GRM8: variants seen among roughly 807,000 people sequenced by gnomAD.
The protein encoded by GRM8 is glutamate metabotropic receptor 8.
Under a neutral mutation model 87.2 loss-of-function variants are expected in GRM8, and 47 were observed. The ratio of observed to expected loss-of-function variants is 0.54; its 90% CI spans 0.43 to 0.69. The LOEUF (loss-of-function observed/expected upper bound fraction) is 0.69. GRM8 is among the 30% of genes least tolerant of loss of function. The pLI is 0.00. For synonymous variants in GRM8, 396 were observed against 404.5 expected (o/e 0.98, Z 0.25); for missense variants, 1,019 against 1,139.2 (o/e 0.89, Z 1.52).
chr7:126,981,331 C>T (rs1331090287), intron 3 of GRM8: 1 of 152,096 alleles, frequency 6.6e-6, no homozygotes, highest in Non-Finnish European at 1.5e-5. Context: ...GCTTTGCACT[C>T]TATATATGTC....
intron 3 of GRM8, among the ~76,000 whole-genome samples, chr7:127,023,213 T>C (rs1816448222): frequency 1.3e-5 from 2 of 152,136 alleles, no homozygotes; most frequent in Non-Finnish European, 2.9e-5. Context: ...ATTTAAACAA[T>C]TATAAAACGT....
intron 7 of GRM8, among the ~76,000 whole-genome samples, chr7:126,615,924 T>G (rs1030658231): frequency 2.6e-5 from 4 of 151,960 alleles, no homozygotes; most frequent in Non-Finnish European, 5.9e-5. Context: ...ACAATAATAA[T>G]GGGAGACTTT....
At chr7:126,768,844 A>G (rs1358318666) in intron 7 of GRM8, among the ~76,000 whole-genome samples, 2 of 151,736 alleles carry the variant, frequency 1.3e-5, no homozygotes, top group African/African-American at 4.9e-5. Context: ...ATGTTATGTA[A>G]TGTTTCACAA....
At chr7:126,573,131 T>C (rs935792360) in intron 8 of GRM8, among the ~76,000 whole-genome samples, 4 of 152,188 alleles carry the variant, frequency 2.6e-5, no homozygotes, top group Non-Finnish European at 5.9e-5. Context: ...GTCAGATATT[T>C]TGAAGTGGGA....
At chr7:126,469,338 T>C (rs1038156115) in intron 9 of GRM8, among the ~76,000 whole-genome samples, 11 of 152,170 alleles carry the variant, frequency 7.2e-5, no homozygotes, top group Non-Finnish European at 1.6e-4. Flanking sequence ...CTGAACCTAC[T>C]CCAATTAGGC....
At chr7:127,226,000 A>G (rs1256943205) in intron 2 of GRM8, among the ~76,000 whole-genome samples, 1 of 152,220 alleles carries the variant, frequency 6.6e-6, no homozygotes, top group East Asian at 1.9e-4. Context: ...ATTATTCCAA[A>G]TATAAGGGTA....
intron 2 of GRM8, among the ~76,000 whole-genome samples, chr7:127,182,321 C>A (rs182294688): frequency 1.3e-5 from 2 of 151,992 alleles, no homozygotes; most frequent in African/African-American, 4.8e-5. Flanking sequence ...GCAGGAATGG[C>A]CATAATCAAA....
intron 2 of GRM8, among the ~76,000 whole-genome samples, chr7:127,150,641 C>T (rs1828808063): frequency 6.6e-6 from 1 of 152,106 alleles, no homozygotes; most frequent in Admixed American, 6.6e-5. Flanking sequence ...AACAGAAAGA[C>T]TGTAAAAGTC....
At chr7:126,878,969 C>G (rs1586296986) in intron 6 of GRM8, among the ~76,000 whole-genome samples, 2 of 152,094 alleles carry the variant, frequency 1.3e-5, no homozygotes, top group Non-Finnish European at 1.5e-5. Flanking sequence ...TCGAGACCAG[C>G]CTGCCCAATA....
At chr7:126,813,610 C>T (rs866440504) in intron 6 of GRM8, among the ~76,000 whole-genome samples, 1 of 152,018 alleles carries the variant, frequency 6.6e-6, no homozygotes, top group Non-Finnish European at 1.5e-5. Flanking sequence ...GATCATGTGT[C>T]ACCTGTCAAC....
rs73447010 is a variant in GRM8 at position 126,494,556 on chromosome 7, T to G, written c.2430+38396A>C. ...CCAGAGAAGAAGCATAGTAACTGAT[T>G]GCAAGCACTTAGAAAATGCTTGAGG... On this transcript the variant is annotated intron_variant, in intron 9 of 10. Coordinates refer to ENST00000339582, the MANE Select transcript of GRM8 (RefSeq NM_000845.3). Among the ~76,000 whole-genome samples, 538 of 152,134 alleles carry G rather than the reference T, an allele frequency of 3.5e-3. 2 individuals carry two copies. The highest frequency in any genetic ancestry group is 0.012 in the African/African-American group (494 of 41,558).
At chr7:126,745,880 C>G (rs1815610925) in intron 7 of GRM8, among the ~76,000 whole-genome samples, 1 of 151,720 alleles carries the variant, frequency 6.6e-6, no homozygotes, top group Non-Finnish European at 1.5e-5. Context: ...ACCTGTATTC[C>G]ATTTATGGCA....
chr7:126,749,099 C>A (rs1336715343), intron 7 of GRM8, among the ~76,000 whole-genome samples: 8 of 151,962 alleles, frequency 5.3e-5, no homozygotes, highest in Non-Finnish European at 1.2e-4. Context: ...CATGATGAAA[C>A]CTCGTCTCTA....
intron 2 of GRM8, among the ~76,000 whole-genome samples, chr7:127,206,017 C>G (rs939084329): frequency 6.6e-6 from 1 of 152,220 alleles, no homozygotes; most frequent in Non-Finnish European, 1.5e-5. Context: ...TTAGGAAGCC[C>G]TGCCAGGTAT....
At chr7:126,453,887 G>A (rs1019403982) in intron 9 of GRM8, among the ~76,000 whole-genome samples, 11 of 151,630 alleles carry the variant, frequency 7.3e-5, no homozygotes, top group Non-Finnish European at 1.6e-4. Context: ...ATTAATACAA[G>A]GTGTCTACTC....
chr7:126,848,978 C>T (rs1403554578), intron 6 of GRM8, among the ~76,000 whole-genome samples: 1 of 152,060 alleles, frequency 6.6e-6, no homozygotes, highest in Non-Finnish European at 1.5e-5. Context: ...TAGATGGAAG[C>T]AGGCACAGAG....
intron 7 of GRM8, among the ~76,000 whole-genome samples, chr7:126,739,661 C>A (rs937893438): frequency 3.7e-4 from 56 of 152,016 alleles, no homozygotes; most frequent in Non-Finnish European, 1.3e-4. Flanking sequence ...CCTCCCACAA[C>A]CCCTTTGTAT....
chr7:127,029,721 T>A (rs997161611), intron 3 of GRM8, among the ~76,000 whole-genome samples: 1 of 152,106 alleles, frequency 6.6e-6, no homozygotes, highest in East Asian at 1.9e-4. Context: ...TTTGAGCCTA[T>A]GTTTGTCTTT....
At chr7:126,469,286 A>G (rs762916354) in intron 9 of GRM8, among the ~76,000 whole-genome samples, 3 of 152,154 alleles carry the variant, frequency 2.0e-5, no homozygotes, top group Non-Finnish European at 4.4e-5. Context: ...TGAAACTATT[A>G]TCTGTATTTG....
Sources: gnomAD v4.1 joint callset for allele counts (sites outside exome capture counted in the v4.1 genomes callset) on GRCh38, gnomAD v4.1.1 for gene constraint, MANE v1.5 for transcripts, NCBI Gene and HGNC (gene_info 2026-07-23, HGNC 2026-07-21) for gene names.